Variants in ADGRL3 observed in about 807,000 individuals in gnomAD.
ADGRL3 encodes calcium-independent alpha-latrotoxin receptor 3.
ADGRL3 carries 62 observed loss-of-function variants against 153.5 expected under a neutral mutation model. The observed-to-expected ratio is 0.40, with a 90% CI of 0.33 to 0.50. ADGRL3 has a LOEUF of 0.50. ADGRL3 is among the 20% of genes least tolerant of loss of function. ADGRL3 has a pLI of 0.47. For synonymous variants in ADGRL3, 710 were observed against 672.5 expected, an observed-to-expected ratio of 1.06 and a Z score of -0.86; for missense variants, 1,641 against 1,859.4, an observed-to-expected ratio of 0.88 and a Z score of 2.16.
chr4:61,523,258 A>T (rs2098541481), intron 4 of ADGRL3, among the ~76,000 whole-genome samples: 1 of 152,126 alleles, frequency 6.6e-6, no homozygotes, highest in African/African-American at 2.4e-5. Flanking sequence ...AAGTATGAAG[A>T]TGAAAGATAT....
intron 8 of ADGRL3, among the ~76,000 whole-genome samples, chr4:61,735,118 T>C (rs1347892841): frequency 2.0e-5 from 3 of 152,248 alleles, no homozygotes; most frequent in Non-Finnish European, 4.4e-5. Flanking sequence ...CTTTCTTTTG[T>C]TGTATTTTTC....
intron 8 of ADGRL3, among the ~76,000 whole-genome samples, chr4:61,740,211 T>C (rs1223161876): frequency 1.3e-5 from 2 of 152,206 alleles, no homozygotes; most frequent in East Asian, 1.9e-4. Context: ...TCCTATCTTA[T>C]AAAATACAAT....
chr4:61,244,630 G>A (rs1015986524), intron 1 of ADGRL3, among the ~76,000 whole-genome samples: 3 of 151,884 alleles, frequency 2.0e-5, no homozygotes, highest in Admixed American at 1.3e-4. Flanking sequence ...GTTATGGAAC[G>A]GCTGTACCCT....
intron 1 of ADGRL3, among the ~76,000 whole-genome samples, chr4:61,206,371 G>C (rs1327608265): frequency 6.6e-6 from 1 of 152,208 alleles, no homozygotes; most frequent in Non-Finnish European, 1.5e-5. Context: ...AAACTTCCAT[G>C]TCAGTTACTT....
intron 6 of ADGRL3, among the ~76,000 whole-genome samples, chr4:61,693,824 A>G (rs2095584307): frequency 6.6e-6 from 1 of 152,162 alleles, no homozygotes. Context: ...GGTAAAGACT[A>G]TCTACAGTGA....
At chr4:61,909,534 C>G (rs771841748) in intron 11 of ADGRL3, 26 bp from the exon 12 acceptor site, 1 of 1,545,882 alleles carries the variant, frequency 6.5e-7, no homozygotes. Flanking sequence ...GATCTCTTTC[C>G]TTTGTATTCC....
At chr4:61,420,554 C>G (rs1352034781) in intron 2 of ADGRL3, 1 of 151,532 alleles carries the variant, frequency 6.6e-6, no homozygotes, top group East Asian at 2.0e-4. Flanking sequence ...CCACAGGCGC[C>G]CGCCACCACG....
chr4:61,635,122 GAC>G (rs1345713774), intron 5 of ADGRL3, among the ~76,000 whole-genome samples: 2 of 152,164 alleles, frequency 1.3e-5, no homozygotes, highest in African/African-American at 4.8e-5. Context: ...AAGTGGCAGA[GAC>G]AGTTTACCTC....
chr4:61,728,793 AAT>A (rs1201551302), intron 6 of ADGRL3, among the ~76,000 whole-genome samples: 1 of 151,994 alleles, frequency 6.6e-6, no homozygotes, highest in Non-Finnish European at 1.5e-5. Context: ...CCTTCGTTAT[AAT>A]GTCTATACTT....
intron 8 of ADGRL3, among the ~76,000 whole-genome samples, chr4:61,804,965 T>TA: frequency 6.7e-6 from 1 of 149,726 alleles, no homozygotes; most frequent in East Asian, 2.0e-4. Context: ...ATTTATTTAT[T>TA]TTTTTTTTGA....
intron 1 of ADGRL3, among the ~76,000 whole-genome samples, chr4:61,276,585 G>T (rs914664667): frequency 3.3e-5 from 5 of 152,078 alleles, no homozygotes; most frequent in African/African-American, 1.2e-4. Flanking sequence ...TTGTGTTATA[G>T]ATTTTTGAAT....
At chr4:61,871,327 A>T (rs2149389440) in intron 9 of ADGRL3, among the ~76,000 whole-genome samples, 1 of 152,218 alleles carries the variant, frequency 6.6e-6, no homozygotes, top group Middle Eastern at 3.4e-3. Flanking sequence ...AATGTTAGTT[A>T]TAATAGATAA....
At chr4:61,663,356 G>C (rs1278149990) in intron 5 of ADGRL3, among the ~76,000 whole-genome samples, 1 of 152,216 alleles carries the variant, frequency 6.6e-6, no homozygotes, top group East Asian at 1.9e-4. Context: ...TCCAATGCCA[G>C]CCGTAGATGC....
At chr4:61,816,958 A>G (rs2097695039) in intron 9 of ADGRL3, among the ~76,000 whole-genome samples, 1 of 152,142 alleles carries the variant, frequency 6.6e-6, no homozygotes. Flanking sequence ...GCCCACTCCA[A>G]TTTTGGAGCA....
At chr4:61,905,420 C>T (rs1296954573) in intron 11 of ADGRL3, among the ~76,000 whole-genome samples, 1 of 152,124 alleles carries the variant, frequency 6.6e-6, no homozygotes, top group Non-Finnish European at 1.5e-5. Context: ...CTTAAAAGTA[C>T]ATTCATGACC....
chr4:61,993,290 CTT>C lies in ADGRL3; in HGVS notation c.3237-2982_3237-2981del, dbSNP rs761710043. Among the ~76,000 whole-genome samples the C allele has an allele frequency of 4.9e-3, 338 of 69,192 alleles. 2 individuals carry two copies. The highest frequency in any genetic ancestry group is 0.017 in the African/African-American group (316 of 18,762). 45.4% of individuals were successfully genotyped at this position (69,192 alleles called of 152,430 possible). A position where few individuals can be genotyped will look rare whatever the true frequency, so the allele number is the denominator to read the frequency against. The stretch of plus-strand genomic sequence containing the variant: ...TTCTGTTTCTTTTTTTCTTTCTTTC[CTT>C]TTTTTTTTTTTTTTTTTTGAGGTGA... On this transcript the variant is annotated intron_variant, in intron 19 of 26. Transcript: ENST00000683033.
intron 2 of ADGRL3, among the ~76,000 whole-genome samples, chr4:61,415,281 C>T (rs1175573224): frequency 2.0e-5 from 3 of 151,856 alleles, no homozygotes; most frequent in Non-Finnish European, 4.4e-5. Flanking sequence ...TTGTCTTTCA[C>T]GTATTGGTAA....
chr4:61,463,032 A>G (rs1305727848), intron 2 of ADGRL3, among the ~76,000 whole-genome samples: 1 of 152,170 alleles, frequency 6.6e-6, no homozygotes, highest in Non-Finnish European at 1.5e-5. Flanking sequence ...AAATAGGTTA[A>G]AAGTAAAGTG....
chr4:61,347,106 A>G (rs1325084764), intron 1 of ADGRL3, among the ~76,000 whole-genome samples: 1 of 152,110 alleles, frequency 6.6e-6, no homozygotes, highest in Non-Finnish European at 1.5e-5. Flanking sequence ...TAGCACCTTA[A>G]ATTACATACA....
Sources: gnomAD v4.1 joint callset for allele counts (sites outside exome capture counted in the v4.1 genomes callset) on GRCh38, gnomAD v4.1.1 for gene constraint, MANE v1.5 for transcripts, NCBI Gene and HGNC (gene_info 2026-07-23, HGNC 2026-07-21) for gene names.